SCAI: variants seen among roughly 807,000 people sequenced by gnomAD.
The protein encoded by SCAI is protein SCAI.
Under a neutral mutation model 92.2 loss-of-function variants are expected in SCAI, and 24 were observed. The ratio of observed to expected loss-of-function variants is 0.26; its 90% CI spans 0.19 to 0.37. The LOEUF (loss-of-function observed/expected upper bound fraction) is 0.37, where lower values mean the gene tolerates loss of function less well. SCAI is among the 10% of genes least tolerant of loss of function. The pLI is 1.00. For synonymous variants in SCAI, 261 were observed against 258.6 expected (o/e 1.01, Z -0.09); for missense variants, 450 against 736.2 (o/e 0.61, Z 4.50).
intron 2 of SCAI, among the ~76,000 whole-genome samples, chr9:125,108,016 T>G (rs1354318570): frequency 6.6e-6 from 1 of 152,212 alleles, no homozygotes; most frequent in Non-Finnish European, 1.5e-5. Flanking sequence ...ATTTTTTTGG[T>G]GGAGACGGGG....
At chr9:125,110,489 C>T (rs1402569126) in intron 2 of SCAI, among the ~76,000 whole-genome samples, 1 of 152,178 alleles carries the variant, frequency 6.6e-6, no homozygotes, top group East Asian at 1.9e-4. Flanking sequence ...TATCCCTGAC[C>T]AAATCTCATG....
chr9:125,142,787 C>T (rs1178773270), intron 1 of SCAI, 110 bp from the exon 2 acceptor site: 1 of 881,084 alleles, frequency 1.1e-6, no homozygotes, highest in African/African-American at 1.7e-5. Flanking sequence ...GGACCACAGG[C>T]TCGCCAAGCC....
intron 2 of SCAI, among the ~76,000 whole-genome samples, chr9:125,057,928 T>A (rs913109932): frequency 1.3e-5 from 2 of 151,022 alleles, no homozygotes; most frequent in Non-Finnish European, 3.0e-5. Context: ...ATCTTGTCTC[T>A]ACAAAAAATG....
At chr9:125,135,204 T>A (rs1835495985) in intron 2 of SCAI, among the ~76,000 whole-genome samples, 1 of 152,122 alleles carries the variant, frequency 6.6e-6, no homozygotes, top group Non-Finnish European at 1.5e-5. Flanking sequence ...TACAAAGAAA[T>A]AATAATGCAT....
intron 2 of SCAI, among the ~76,000 whole-genome samples, chr9:125,093,028 C>G (rs772130083): frequency 6.6e-6 from 1 of 152,186 alleles, no homozygotes; most frequent in Non-Finnish European, 1.5e-5. Context: ...CACTGTTGAT[C>G]ATTTTCCTCT....
intron 2 of SCAI, among the ~76,000 whole-genome samples, chr9:125,083,346 C>T (rs1157440869): frequency 6.6e-6 from 1 of 151,844 alleles, no homozygotes; most frequent in South Asian, 2.1e-4. Context: ...GGTGAAACCT[C>T]GTCTTTGCTA....
At chr9:125,023,577 G>C (rs1310603340) in intron 6 of SCAI, among the ~76,000 whole-genome samples, 1 of 152,012 alleles carries the variant, frequency 6.6e-6, no homozygotes, top group Non-Finnish European at 1.5e-5. Context: ...CTTCTACAAA[G>C]GGCCAGATGG....
In SCAI at chr9:124,957,613, G is replaced by A. The variant is rs989432577; in HGVS notation, c.1675-4660C>T. On this transcript the variant is annotated intron_variant, in intron 17 of 17. Coordinates refer to ENST00000336505, the MANE Select transcript of SCAI (RefSeq NM_001144877.3). Reference sequence around the variant, plus strand: ...TCTCCAACTCCTGACCTTGTGATCCGCCCGCCTCTGCCTCCCAAAGTGCTG... The same window carrying A: ...TCTCCAACTCCTGACCTTGTGATCCACCCGCCTCTGCCTCCCAAAGTGCTG... 2.0e-4 allele frequency among the ~76,000 whole-genome samples: 29 copies of A among 145,254 alleles called. No homozygotes were observed. In the East Asian group the frequency reaches 3.9e-3, roughly 19 times the overall value.
chr9:125,077,045 A>G (rs626768), intron 2 of SCAI, among the ~76,000 whole-genome samples: 65,841 of 151,924 alleles, frequency 0.43, 14,671 homozygotes, highest in East Asian at 0.53. Flanking sequence ...TCAGCCAGGC[A>G]TGATGGTGTG....
Position 125,142,649 on chromosome 9 carries a change from G to A in SCAI, c.82C>T (p.Arg28Ter). 6.2e-7 allele frequency: 1 copy of A among 1,613,830 alleles called. No homozygotes were observed. The highest frequency in any genetic ancestry group is 8.5e-7 in the Non-Finnish European group (1 of 1,179,820). Residue 28 changes from arginine to a stop codon, truncating the protein, a stop_gained, in exon 2 of 18, where the codon CGA becomes TGA. Coordinates refer to ENST00000336505, the MANE Select transcript of SCAI (RefSeq NM_001144877.3). LOFTEE classifies it high-confidence loss of function. ...RLTGTVEKPP[R>*]KRRSRTEFAL... ...CTGCCTTACCTGCTTCTCCGTTTTCGAGGCGGTTTCTCCACTGTGCCAGTC... is the reference window on the plus strand; with the variant it reads ...CTGCCTTACCTGCTTCTCCGTTTTCAAGGCGGTTTCTCCACTGTGCCAGTC...
At chr9:125,095,964 C>T (rs1373801669) in intron 2 of SCAI, among the ~76,000 whole-genome samples, 1 of 152,156 alleles carries the variant, frequency 6.6e-6, no homozygotes, top group East Asian at 1.9e-4. Flanking sequence ...GCTGTCAGTG[C>T]TCTGCCCACA....
intron 2 of SCAI, among the ~76,000 whole-genome samples, chr9:125,084,158 CTTTTTTTTTTTTTTTTTT>C (rs34786493): frequency 3.1e-5 from 2 of 65,116 alleles, no homozygotes; most frequent in Non-Finnish European, 5.6e-5. Context: ...TTGGCTGCTG[CTTTTTTTTTTTTTTTTTT>C]TTTTTTTTTT....
intron 17 of SCAI, among the ~76,000 whole-genome samples, chr9:124,967,906 C>A (rs1346278484): frequency 1.3e-5 from 2 of 152,178 alleles, no homozygotes; most frequent in Non-Finnish European, 2.9e-5. Flanking sequence ...AGCAGGTTAA[C>A]CAGTTGCTCT....
intron 3 of SCAI, among the ~76,000 whole-genome samples, chr9:125,054,412 T>A (rs1396281716): frequency 1.3e-5 from 2 of 152,096 alleles, no homozygotes; most frequent in Non-Finnish European, 2.9e-5. Flanking sequence ...TTTTTATAAT[T>A]TCCTCATAGA....
At chr9:125,104,343 T>A (rs1176251695) in intron 2 of SCAI, among the ~76,000 whole-genome samples, 1 of 152,140 alleles carries the variant, frequency 6.6e-6, no homozygotes, top group Non-Finnish European at 1.5e-5. Flanking sequence ...AAAAGTTAAC[T>A]CCCAATCTTA....
intron 14 of SCAI, among the ~76,000 whole-genome samples, chr9:124,989,249 TAAAAAAG>T (rs1448137213): frequency 6.6e-6 from 1 of 152,138 alleles, no homozygotes; most frequent in East Asian, 1.9e-4. Context: ...ATGTGTTGCA[TAAAAAAG>T]AAAACAGAAT....
intron 15 of SCAI, chr9:124,974,305 G>T: frequency 2.3e-6 from 1 of 429,216 alleles, no homozygotes; most frequent in Non-Finnish European, 4.6e-6. Flanking sequence ...AAAATTAGCT[G>T]GGTGTGGTAG....
At chr9:125,119,356 T>C (rs550285553) in intron 2 of SCAI, among the ~76,000 whole-genome samples, 1 of 152,192 alleles carries the variant, frequency 6.6e-6, no homozygotes, top group Non-Finnish European at 1.5e-5. Context: ...CCTTCTAAAC[T>C]AGAAGTACAT....
In SCAI at chr9:124,971,479, A is replaced by C; in HGVS notation, c.1574-9T>G. On this transcript the variant is annotated splice_polypyrimidine_tract_variant and intron_variant, in intron 16 of 17. Transcript: ENST00000336505. Reference sequence around the variant, plus strand: ...CTGGAGAAATGCCTGATCTGCAAAGAGGAGAAAAGTGACAGTAAAAAGATG... The same window carrying C: ...CTGGAGAAATGCCTGATCTGCAAAGCGGAGAAAAGTGACAGTAAAAAGATG... 1 of 1,589,732 alleles carries C rather than the reference A, an allele frequency of 6.3e-7. No homozygotes were observed. Among genetic ancestry groups the C allele is most frequent in the Non-Finnish European group, 8.6e-7 (1 of 1,163,912 alleles).
Sources: allele counts gnomAD v4.1 joint callset (sites outside exome capture counted in the v4.1 genomes callset), GRCh38; gene constraint gnomAD v4.1.1; transcripts MANE v1.5; gene names NCBI Gene and HGNC (gene_info 2026-07-23, HGNC 2026-07-21).